The following ZNF648 variants were observed in gnomAD, a reference collection of about 807,000 sequenced individuals.
ZNF648 encodes the protein zinc finger protein 648.
Under a neutral mutation model 0.3 loss-of-function variants are expected in ZNF648, and 1 was observed. The observed-to-expected ratio is 3.90, with a 90% CI of 1.39 to 18.51. The LOEUF (loss-of-function observed/expected upper bound fraction) is 18.51. Among genes scored for constraint, ZNF648 ranks in the 30% most tolerant of loss-of-function variants. The probability of loss-of-function intolerance (pLI) is 0.11; values close to 1 mark genes in which losing one functional copy is unlikely to be tolerated. For synonymous variants in ZNF648, 376 were observed against 326.8 expected (o/e 1.15, Z -1.62); for missense variants, 874 against 769.7 (o/e 1.14, Z -1.60).
the ZNF648 span, chr1:182,069,206 T>C: frequency 6.6e-6 from 1 of 152,096 alleles, no homozygotes; most frequent in African/African-American, 2.4e-5. Flanking sequence ...CTGGCTCCGC[T>C]GTCCTCCCAG....
chr1:182,055,157 A>G lies in ZNF648; in HGVS notation c.*1147T>C, dbSNP rs1412718607. ...CACAGTTGAGGTTCAGCTAAGAACT[A>G]CTGACTTTATACAGATCACTATACA... On this transcript the variant is annotated 3_prime_UTR_variant, in exon 2 of 2. Coordinates refer to ENST00000339948, the MANE Select transcript of ZNF648 (RefSeq NM_001009992.1). The surrounding 1 kb of genome is among the most constrained non-coding windows in gnomAD (Gnocchi z 4.1). 1 of 152,240 alleles carries G rather than the reference A, an allele frequency of 6.6e-6. No homozygotes were observed. The highest frequency in any genetic ancestry group is 2.4e-5 in the African/African-American group (1 of 41,456). 9.4% of individuals were successfully genotyped at this position (152,240 alleles called of 1,614,324 possible). A position where few individuals can be genotyped will look rare whatever the true frequency, so the allele number is the denominator to read the frequency against.
In ZNF648 at chr1:182,056,253, G is replaced by A; in HGVS notation, c.*51C>T. The A allele has an allele frequency of 1.9e-6, 3 of 1,552,224 alleles. No homozygotes were observed. The highest frequency in any genetic ancestry group is 1.4e-5 in the African/African-American group (1 of 73,474). ...ACCAGTGAGGCTGGCAATACCATGTGAGTGGGCCCACCTGGGAAGGTTCCA... is the reference window on the plus strand; with the variant it reads ...ACCAGTGAGGCTGGCAATACCATGTAAGTGGGCCCACCTGGGAAGGTTCCA... On this transcript the variant is annotated 3_prime_UTR_variant, in exon 2 of 2. Transcript: ENST00000339948.
upstream of ZNF648, chr1:182,064,200 A>G (rs1170226416): frequency 6.6e-6 from 1 of 152,190 alleles, no homozygotes; most frequent in Non-Finnish European, 1.5e-5. Context: ...GTTTGGTTCT[A>G]TATGAATTTT....
Position 182,056,947 on chromosome 1 carries a change from C to G in ZNF648, c.1064G>C (p.Arg355Pro). The G allele has an allele frequency of 1.2e-6, 2 of 1,612,936 alleles. No individual in the cohort carries two copies. Among genetic ancestry groups the G allele is most frequent in the African/African-American group, 2.7e-5 (2 of 75,054 alleles). ...GGGCTTATTGTTGCTGTGCATGTTG[C>G]GCTGGTGTTTGCGCAGGTCCGAAGA... is the stretch of plus-strand genomic sequence containing the variant. ...VRSSDLRKHQ[R>P]NMHSNNKPFP... Residue 355 changes from arginine (R) to proline (P), a missense_variant, in exon 2 of 2, where the codon CGC (arginine) becomes CCC (proline). Arg to Pro is a moderately radical substitution (Grantham distance 103). Coordinates refer to ENST00000339948, the MANE Select transcript of ZNF648 (RefSeq NM_001009992.1).
At chr1:182,069,634 G>A in the ZNF648 span, among the ~76,000 whole-genome samples, 1 of 152,140 alleles carries the variant, frequency 6.6e-6, no homozygotes, top group Admixed American at 6.5e-5. Flanking sequence ...AATGGGGAGT[G>A]GGGGCTGGGT....
At chr1:182,069,210 C>G in the ZNF648 span, 1 of 152,114 alleles carries the variant, frequency 6.6e-6, no homozygotes, top group African/African-American at 2.4e-5. Flanking sequence ...CTCCGCTGTC[C>G]TCCCAGGTCA....
At position 182,057,165 on chromosome 1, in the gene ZNF648, C is replaced by G. The variant is rs776825084; in HGVS notation, c.846G>C (p.Glu282Asp). The change falls in exon 2 of 2, where the codon GAG (glutamate) becomes GAC (aspartate). Residue 282 changes from glutamate to aspartate, a missense_variant. Glu to Asp is a conservative substitution (Grantham distance 45, BLOSUM62 2). Coordinates refer to ENST00000339948, the MANE Select transcript of ZNF648 (RefSeq NM_001009992.1). ...RGGAAKRYAC[E>D]LCGKAYSHRG... ...GGTGGGAGTAGGCCTTCCCGCATAG[C>G]TCGCACGCGTAGCGCTTGGCGGCGC... The G allele has an allele frequency of 1.9e-6, 3 of 1,596,106 alleles. No individual in the cohort carries two copies. The highest frequency in any genetic ancestry group is 1.7e-5 in the Admixed American group (1 of 58,704).
chr1:182,068,536 A>G, the ZNF648 span, among the ~76,000 whole-genome samples: 1 of 152,232 alleles, frequency 6.6e-6, no homozygotes, highest in African/African-American at 2.4e-5. Flanking sequence ...TATAATGAAG[A>G]CTGTATCTCA....
chr1:182,062,083 C>T (rs1666039186), upstream of ZNF648, among the ~76,000 whole-genome samples: 1 of 152,196 alleles, frequency 6.6e-6, no homozygotes, highest in Non-Finnish European at 1.5e-5. Flanking sequence ...TATTCTAGTA[C>T]CCACCTTTTG....
intron 1 of ZNF648, 116 bp from the exon 2 acceptor site, chr1:182,058,189 C>G (rs190551767): frequency 4.1e-6 from 3 of 723,444 alleles, no homozygotes; most frequent in East Asian, 2.8e-5. Flanking sequence ...CCATGTCAGG[C>G]ATATTGTTGA....
At position 182,056,676 on chromosome 1, in the gene ZNF648, C is replaced by G. The variant is rs1351239466; in HGVS notation, c.1335G>C (p.Gln445His). ...CGCAGTCAGCGCACTTGAAAGGCCT[C>G]TGGCCGGTGTGCAGCGTCTGGTGCT... ...LSEHQTLHTG[Q>H]RPFKCADCGV... The change falls in exon 2 of 2, where the codon CAG becomes CAC. Residue 445 changes from glutamine to histidine, a missense_variant. Transcript: ENST00000339948. 1.2e-6 allele frequency: 2 copies of G among 1,604,544 alleles called. No individual in the cohort carries two copies. Among genetic ancestry groups the G allele is most frequent in the African/African-American group, 2.7e-5 (2 of 74,730 alleles).
upstream of ZNF648, chr1:182,064,735 T>G (rs1489552107): frequency 6.6e-6 from 1 of 152,118 alleles, no homozygotes; most frequent in Admixed American, 6.5e-5. Flanking sequence ...GGAGAGTAGG[T>G]GAACACTTAA....
At position 182,056,858 on chromosome 1, in the gene ZNF648, T is replaced by A; in HGVS notation, c.1153A>T (p.Thr385Ser). 1 of 1,564,138 alleles carries A rather than the reference T, an allele frequency of 6.4e-7. No homozygotes were observed. The highest frequency in any genetic ancestry group is 8.7e-7 in the Non-Finnish European group (1 of 1,154,458). ...KPLSLLRHQR[T>S]HLGAKPFRCP... is the part of the protein sequence containing the mutation. ...CGGAAGGGCTTGGCGCCCAGGTGCG[T>A]GCGCTGGTGGCGCAGCAGCGACAGC... is the stretch of plus-strand genomic sequence containing the variant. The change falls in exon 2 of 2, where the codon ACG becomes TCG. Residue 385 changes from threonine to serine, a missense_variant. Coordinates refer to ENST00000339948, the MANE Select transcript of ZNF648 (RefSeq NM_001009992.1).
At chr1:182,066,396 T>C (rs998293112), upstream of ZNF648, among the ~76,000 whole-genome samples, 1 of 152,240 alleles carries the variant, frequency 6.6e-6, no homozygotes, top group Non-Finnish European at 1.5e-5. Context: ...CTGCCTGAGC[T>C]GCTTCCAAAC....
In ZNF648 at chr1:182,057,094, G is replaced by C; in HGVS notation, c.917C>G (p.Pro306Arg). Reference protein sequence around the residue: ...QHRRLHTGERPYQCSFCDKAY... With the variant: ...QHRRLHTGERRYQCSFCDKAY... ...CTTGTCGCAGAAGGAGCACTGGTAG[G>C]GCCGCTCGCCCGTGTGCAGGCGCCT... The change falls in exon 2 of 2, where the codon CCC becomes CGC. Residue 306 changes from proline to arginine, a missense_variant. By Grantham distance (103) the Pro-to-Arg change is moderately radical (BLOSUM62 -2). Transcript: ENST00000339948. 1 of 1,611,696 alleles carries C rather than the reference G, an allele frequency of 6.2e-7. No homozygotes were observed.
chr1:182,056,294 G>A lies in ZNF648; in HGVS notation c.*10C>T, dbSNP rs759630094. The A allele has an allele frequency of 5.6e-6, 9 of 1,596,584 alleles. No homozygotes were observed. The highest frequency in any genetic ancestry group is 7.7e-6 in the Non-Finnish European group (9 of 1,170,022). On this transcript the variant is annotated 3_prime_UTR_variant, in exon 2 of 2. Coordinates refer to ENST00000339948, the MANE Select transcript of ZNF648 (RefSeq NM_001009992.1). ...GAAGGTTCCAAGTAGTGAGGTCGAC[G>A]ATGCTATCTTCACTCGTCAGAGGAG...
At chr1:182,062,833 G>A (rs1016507880), upstream of ZNF648, 3 of 152,122 alleles carry the variant, frequency 2.0e-5, no homozygotes. Context: ...GCATGCATTA[G>A]CTATTTTTCC....
rs752764465 is a variant in ZNF648, at chr1:182,057,582, G to T, written c.429C>A (p.Asp143Glu). The change falls in exon 2 of 2, where the codon GAC (aspartate) becomes GAA (glutamate). Residue 143 changes from aspartate (D) to glutamate (E), a missense_variant. Asp to Glu is a conservative substitution (Grantham distance 45). Coordinates refer to ENST00000339948, the MANE Select transcript of ZNF648 (RefSeq NM_001009992.1). ...KLLGQMQPLG[D>E]RLPAGDDGYS... ...ATCCATCATCACCCGCAGGTAGTCG[G>T]TCCCCAAGAGGTTGCATCTGACCTA... is the stretch of plus-strand genomic sequence containing the variant. 7.4e-6 allele frequency: 12 copies of T among 1,614,104 alleles called. No homozygotes were observed. The Admixed American group carries it at 2.0e-4, about 27-fold the overall frequency.
intron 1 of ZNF648, among the ~76,000 whole-genome samples, chr1:182,060,050 G>A (rs150086066): frequency 2.7e-4 from 41 of 152,294 alleles, no homozygotes; most frequent in African/African-American, 9.4e-4. Context: ...CAGCATCCTG[G>A]GGTGAAAAGC....
Sources: gnomAD v4.1 joint callset for allele counts (sites outside exome capture counted in the v4.1 genomes callset) on GRCh38, gnomAD v4.1.1 for gene constraint, Gnocchi (gnomAD v3.1) non-coding constraint, MANE v1.5 for transcripts, NCBI Gene and HGNC (gene_info 2026-07-23, HGNC 2026-07-21) for gene names.